UGT2B17: variants seen among roughly 807,000 people sequenced by gnomAD.
The protein encoded by UGT2B17 is UDP glucuronosyltransferase family 2 member B17.
A neutral mutation model predicts 48.2 loss-of-function variants in UGT2B17; 21 were observed. That is an observed-to-expected ratio of 0.44 (90% CI 0.31 to 0.63). The LOEUF (loss-of-function observed/expected upper bound fraction) is 0.63, where lower values mean the gene tolerates loss of function less well. Ranked by LOEUF, UGT2B17 falls within the 20% of genes least tolerant of loss-of-function variation. UGT2B17 has a pLI of 0.08. For synonymous variants in UGT2B17, 146 were observed against 238.4 expected (o/e 0.61, Z 3.57); for missense variants, 402 against 696.1 (o/e 0.58, Z 4.75).
rs1162193652 is a variant in UGT2B17 at position 68,562,302 on chromosome 4, G to A, written c.874-1634C>T. On this transcript the variant is annotated intron_variant, in intron 3 of 6. Transcript: ENST00000317746. ...GGCTAATTTTTCTGTTTTTAGTAGAGACAGGTTTCACCATCTTGGCCAGAC... is the reference window on the plus strand; with the variant it reads ...GGCTAATTTTTCTGTTTTTAGTAGAAACAGGTTTCACCATCTTGGCCAGAC... 1.6e-5 allele frequency among the ~76,000 whole-genome samples: 2 copies of A among 124,046 alleles called. 1 individual carries two copies. The highest frequency in any genetic ancestry group is 5.5e-5 in the African/African-American group (2 of 36,206). The allele number at this position is 124,046 out of a possible 152,430, so 81.4% of individuals were successfully genotyped here.
chr4:68,554,668 CATTTT>C (rs1419116418), intron 4 of UGT2B17, among the ~76,000 whole-genome samples: 2 of 124,724 alleles, frequency 1.6e-5, no homozygotes, highest in Non-Finnish European at 3.4e-5. Context: ...CAATTAAATC[CATTTT>C]ATTTTCCTTC....
chr4:68,565,455 T>C (rs115277115), intron 3 of UGT2B17, 117 bp downstream of exon 3: 10,009 of 945,670 alleles, frequency 0.011, 1,946 homozygotes, highest in East Asian at 0.068. Flanking sequence ...TAATGGCAAG[T>C]CCTTTTTTTT....
intron 1 of UGT2B17, among the ~76,000 whole-genome samples, chr4:68,573,263 C>T (rs1731321983): frequency 7.9e-6 from 1 of 127,216 alleles, no homozygotes; most frequent in Admixed American, 8.0e-5. Flanking sequence ...GGCCAGGAAC[C>T]TCCAGTCTGG....
intron 4 of UGT2B17, among the ~76,000 whole-genome samples, chr4:68,552,886 A>AT (rs1253638753): frequency 1.6e-5 from 2 of 123,996 alleles, no homozygotes; most frequent in African/African-American, 5.5e-5. Context: ...AAGAAAGGCA[A>AT]TATTTCCTGT....
At chr4:68,544,387 C>G (rs1460458891) in intron 6 of UGT2B17, among the ~76,000 whole-genome samples, 2 of 125,586 alleles carry the variant, frequency 1.6e-5, no homozygotes, top group Non-Finnish European at 3.4e-5. Context: ...TACAGACAAG[C>G]AAATGCTGAG....
intron 4 of UGT2B17, among the ~76,000 whole-genome samples, chr4:68,556,486 G>T (rs1397110479): frequency 8.0e-6 from 1 of 124,420 alleles, no homozygotes; most frequent in African/African-American, 2.7e-5. Context: ...AGAAGAGGTG[G>T]GTGTGTGAGA....
chr4:68,550,612 A>T, intron 6 of UGT2B17, 65 bp downstream of exon 6: 1 of 1,204,548 alleles, frequency 8.3e-7, no homozygotes, highest in Non-Finnish European at 1.1e-6. Context: ...AAGGGTTCAA[A>T]CTCATATTCA....
rs1421364404 is a variant in UGT2B17 at position 68,551,746 on chromosome 4, GTTTGT to G, written c.1093+73_1093+77del. 6.1e-5 allele frequency: 58 copies of G among 958,208 alleles called. 11 individuals are homozygous for G. The South Asian group carries it at 1.1e-3, about 18-fold the overall frequency. 59.4% of individuals were successfully genotyped at this position (958,208 alleles called of 1,614,324 possible). On this transcript the variant is annotated intron_variant, in intron 5 of 6. Coordinates refer to ENST00000317746, the MANE Select transcript of UGT2B17 (RefSeq NM_001077.4). ...TTTTCCAATAATAAATGTTAAATAT[GTTTGT>G]TTTATGTTGAAATATTATCACTTCT... is the stretch of plus-strand genomic sequence containing the variant.
rs184593981 is a variant in UGT2B17 at position 68,549,992 on chromosome 4, A to C, written c.1313+685T>G. On this transcript the variant is annotated intron_variant, in intron 6 of 6. Transcript: ENST00000317746. ...TCCAACAACATAAATAAAACTAAAA[A>C]TAATTATGCTAAGTGAAAGAAGTCG... Among the ~76,000 whole-genome samples the C allele has an allele frequency of 1.8e-3, 231 of 125,760 alleles. 61 individuals carry two copies. The highest frequency in any genetic ancestry group is 3.3e-3 in the Non-Finnish European group (195 of 59,410). 82.5% of individuals were successfully genotyped at this position (125,760 alleles called of 152,430 possible). A position where few individuals can be genotyped will look rare whatever the true frequency, so the allele number is the denominator to read the frequency against.
In UGT2B17 at chr4:68,538,646, G is replaced by C. The variant is rs1730599884; in HGVS notation, c.1314-742C>G. Among the ~76,000 whole-genome samples the C allele has an allele frequency of 1.6e-5, 2 of 126,358 alleles. 1 individual carries two copies. Among genetic ancestry groups the C allele is most frequent in the African/African-American group, 5.4e-5 (2 of 37,024 alleles). 82.9% of individuals were successfully genotyped at this position (126,358 alleles called of 152,430 possible). On this transcript the variant is annotated intron_variant, in intron 6 of 6. Transcript: ENST00000317746. ...TGTCTTCTACCGTATTTTCCTACTAGTAGCCAGAACATTTTCTAAATTAAT... is the reference window on the plus strand; with the variant it reads ...TGTCTTCTACCGTATTTTCCTACTACTAGCCAGAACATTTTCTAAATTAAT...
At position 68,546,179 on chromosome 4, in the gene UGT2B17, A is replaced by C. The variant is rs1304235399; in HGVS notation, c.1313+4498T>G. On this transcript the variant is annotated intron_variant, in intron 6 of 6. Coordinates refer to ENST00000317746, the MANE Select transcript of UGT2B17 (RefSeq NM_001077.4). Reference sequence around the variant, plus strand: ...AACATCGATGCAAAAATCCTCAATAAAATACTGGCAAACTGAATCCAGCAG... The same window carrying C: ...AACATCGATGCAAAAATCCTCAATACAATACTGGCAAACTGAATCCAGCAG... 4.1e-4 allele frequency among the ~76,000 whole-genome samples: 52 copies of C among 126,164 alleles called. 13 individuals carry two copies. Among genetic ancestry groups the C allele is most frequent in the Non-Finnish European group, 3.2e-4 (19 of 59,560 alleles). 82.8% of individuals were successfully genotyped at this position (126,164 alleles called of 152,430 possible).
At chr4:68,538,408 TA>T (rs1454074583) in intron 6 of UGT2B17, among the ~76,000 whole-genome samples, 2 of 124,128 alleles carry the variant, frequency 1.6e-5, no homozygotes, top group African/African-American at 2.8e-5. Context: ...CTATATTTTT[TA>T]TTTTTTACAT....
Position 68,573,219 on chromosome 4 carries a change from G to A in UGT2B17, c.-65+2732C>T, listed in dbSNP as rs573146524. Among the ~76,000 whole-genome samples, 47 of 127,520 alleles carry A rather than the reference G, an allele frequency of 3.7e-4. 7 individuals carry two copies. Among genetic ancestry groups the A allele is most frequent in the African/African-American group, 9.7e-4 (36 of 37,296 alleles). 83.7% of individuals were successfully genotyped at this position (127,520 alleles called of 152,430 possible). ...ATGGGGGCCAGCCTTTGGAAACCCCGTCTAGTTGTTTTGAGAGACAGGCCA... is the reference window on the plus strand; with the variant it reads ...ATGGGGGCCAGCCTTTGGAAACCCCATCTAGTTGTTTTGAGAGACAGGCCA... On this transcript the variant is annotated intron_variant, in intron 1 of 6. Coordinates refer to ENST00000317746, the MANE Select transcript of UGT2B17 (RefSeq NM_001077.4).
chr4:68,548,762 G>A lies in UGT2B17; in HGVS notation c.1313+1915C>T, dbSNP rs1336398894. On this transcript the variant is annotated intron_variant, in intron 6 of 6. Transcript: ENST00000317746. ...TCCTAGGTATTTTATTCTCTTTGTTGCAATTGCAAATGGGAATTTATTCGT... is the reference window on the plus strand; with the variant it reads ...TCCTAGGTATTTTATTCTCTTTGTTACAATTGCAAATGGGAATTTATTCGT... Among the ~76,000 whole-genome samples, 5 of 123,982 alleles carry A rather than the reference G, an allele frequency of 4.0e-5. 2 individuals carry two copies. The highest frequency in any genetic ancestry group is 1.4e-4 in the African/African-American group (5 of 36,338). 81.3% of individuals were successfully genotyped at this position (123,982 alleles called of 152,430 possible). A position where few individuals can be genotyped will look rare whatever the true frequency, so the allele number is the denominator to read the frequency against.
chr4:68,541,578 C>T lies in UGT2B17; in HGVS notation c.1314-3674G>A, dbSNP rs1342198409. Among the ~76,000 whole-genome samples the T allele has an allele frequency of 2.4e-5, 3 of 125,754 alleles. 1 individual carries two copies. The highest frequency in any genetic ancestry group is 5.0e-5 in the Non-Finnish European group (3 of 59,492). The allele number at this position is 125,754 out of a possible 152,430, so 82.5% of individuals were successfully genotyped here. ...CAGAGGGATAGATTGCAAAAATGTT[C>T]CCTCATTCTGTAGGTTGCCTGTGCC... On this transcript the variant is annotated intron_variant, in intron 6 of 6. Coordinates refer to ENST00000317746, the MANE Select transcript of UGT2B17 (RefSeq NM_001077.4).
At chr4:68,566,566 T>G (rs1459866482) in intron 2 of UGT2B17, among the ~76,000 whole-genome samples, 5 of 127,574 alleles carry the variant, frequency 3.9e-5, no homozygotes, top group Non-Finnish European at 8.2e-5. Context: ...CTGCTTGCAC[T>G]TCTCTCTCCT....
chr4:68,548,167 A>C (rs1730853447), intron 6 of UGT2B17, among the ~76,000 whole-genome samples: 1 of 126,938 alleles, frequency 7.9e-6, no homozygotes, highest in African/African-American at 2.7e-5. Flanking sequence ...AAAGACTTGG[A>C]ACCAACCCAA....
intron 6 of UGT2B17, among the ~76,000 whole-genome samples, chr4:68,542,757 C>T (rs1327494463): frequency 3.1e-5 from 4 of 127,224 alleles, no homozygotes; most frequent in African/African-American, 5.4e-5. Flanking sequence ...CTGCGCTTTT[C>T]CAAAAGGTTT....
intron 4 of UGT2B17, among the ~76,000 whole-genome samples, chr4:68,556,502 A>C (rs114715160): frequency 0.058 from 7,259 of 125,088 alleles, 1,763 homozygotes; most frequent in African/African-American, 0.17. Flanking sequence ...TGAGATTGAA[A>C]GAACTGATAC....
Sources: allele counts gnomAD v4.1 joint callset (sites outside exome capture counted in the v4.1 genomes callset), GRCh38; gene constraint gnomAD v4.1.1; transcripts MANE v1.5; gene names NCBI Gene and HGNC (gene_info 2026-07-23, HGNC 2026-07-21).